PTPRT: variants seen among roughly 807,000 people sequenced by gnomAD.
The protein encoded by PTPRT is receptor-type tyrosine-protein phosphatase T.
A neutral mutation model predicts 176.8 loss-of-function variants in PTPRT; 56 were observed. The ratio of observed to expected loss-of-function variants is 0.32; its 90% confidence interval spans 0.26 to 0.40. The LOEUF (loss-of-function observed/expected upper bound fraction) is 0.40, where lower values mean the gene tolerates loss of function less well. PTPRT is among the 10% of genes least tolerant of loss of function. The pLI, the probability that PTPRT is intolerant of heterozygous loss-of-function variation, is 1.00. For synonymous variants in PTPRT, 783 were observed against 739.0 expected (o/e 1.06, Z -0.96); for missense variants, 1,540 against 1,908.2 (o/e 0.81, Z 3.60).
chr20:42,171,844 T>C (rs1448631577), intron 16 of PTPRT, among the ~76,000 whole-genome samples: 2 of 152,088 alleles, frequency 1.3e-5, no homozygotes, highest in Non-Finnish European at 2.9e-5. Flanking sequence ...AATCATCCTG[T>C]AGAGGTATTT....
At chr20:42,512,731 A>G (rs1470575089) in intron 7 of PTPRT, among the ~76,000 whole-genome samples, 1 of 152,170 alleles carries the variant, frequency 6.6e-6, no homozygotes, top group Non-Finnish European at 1.5e-5. Flanking sequence ...ACTGTTCTGC[A>G]TTTTATAAAA....
chr20:43,188,451 A>G (rs971329126), intron 1 of PTPRT, among the ~76,000 whole-genome samples: 2 of 152,192 alleles, frequency 1.3e-5, no homozygotes, highest in African/African-American at 4.8e-5. Context: ...AGCGGCCCTT[A>G]ACCTCAGACG....
At chr20:43,010,107 C>T (rs183073655) in intron 1 of PTPRT, among the ~76,000 whole-genome samples, 1 of 152,268 alleles carries the variant, frequency 6.6e-6, no homozygotes, top group Non-Finnish European at 1.5e-5. Context: ...TCAGAAATGT[C>T]CCCACCTCCT....
intron 7 of PTPRT, among the ~76,000 whole-genome samples, chr20:42,530,010 T>C (rs2145536406): frequency 6.6e-6 from 1 of 152,328 alleles, no homozygotes; most frequent in East Asian, 1.9e-4. Context: ...GCCGTTTCTT[T>C]ACCTGAAAGA....
chr20:42,961,765 C>CA (rs1267379610), intron 1 of PTPRT, among the ~76,000 whole-genome samples: 1 of 152,086 alleles, frequency 6.6e-6, no homozygotes, highest in Non-Finnish European at 1.5e-5. Flanking sequence ...CCTCACACAG[C>CA]AAAAGGGACT....
chr20:42,254,032 G>C (rs1347498907), intron 13 of PTPRT, among the ~76,000 whole-genome samples: 1 of 152,110 alleles, frequency 6.6e-6, no homozygotes, highest in African/African-American at 2.4e-5. Context: ...GGTTTATTAA[G>C]CTCTACTTCC....
chr20:42,158,701 C>T (rs1191126297), intron 17 of PTPRT, among the ~76,000 whole-genome samples: 1 of 152,100 alleles, frequency 6.6e-6, no homozygotes, highest in Non-Finnish European at 1.5e-5. Context: ...TGTGAAATGA[C>T]TTTTATCAGG....
At chr20:42,835,022 T>C (rs956656648) in intron 2 of PTPRT, among the ~76,000 whole-genome samples, 5 of 152,052 alleles carry the variant, frequency 3.3e-5, no homozygotes, top group Non-Finnish European at 5.9e-5. Flanking sequence ...CATGCTCTAA[T>C]AGAATGAGAA....
intron 6 of PTPRT, among the ~76,000 whole-genome samples, chr20:42,753,946 C>T (rs1400011988): frequency 6.6e-6 from 1 of 152,162 alleles, no homozygotes; most frequent in African/African-American, 2.4e-5. Context: ...AGCCACTGGT[C>T]ACATTCTTTT....
At chr20:42,495,258 A>G (rs2145393602) in intron 7 of PTPRT, among the ~76,000 whole-genome samples, 1 of 152,286 alleles carries the variant, frequency 6.6e-6, no homozygotes, top group East Asian at 1.9e-4. Flanking sequence ...TCTTTGTTCA[A>G]GTTGTCTTAG....
chr20:42,892,335 A>G (rs1221965190), intron 1 of PTPRT, among the ~76,000 whole-genome samples: 1 of 152,182 alleles, frequency 6.6e-6, no homozygotes, highest in Non-Finnish European at 1.5e-5. Context: ...CCAAGATGTG[A>G]GCCCTAGACT....
intron 2 of PTPRT, among the ~76,000 whole-genome samples, chr20:42,880,013 A>C (rs998202572): frequency 6.6e-6 from 1 of 152,152 alleles, no homozygotes; most frequent in African/African-American, 2.4e-5. Context: ...TTTGAAGGCT[A>C]AGATGGTGAG....
At chr20:42,574,466 G>A (rs916304501) in intron 7 of PTPRT, among the ~76,000 whole-genome samples, 7 of 152,166 alleles carry the variant, frequency 4.6e-5, no homozygotes, top group African/African-American at 1.7e-4. Flanking sequence ...CCCACCAAAG[G>A]TGACCTGCTT....
At chr20:42,149,227 G>A (rs148735067) in intron 17 of PTPRT, among the ~76,000 whole-genome samples, 27 of 152,224 alleles carry the variant, frequency 1.8e-4, no homozygotes, top group Admixed American at 4.6e-4. Flanking sequence ...CAGCAAGTGC[G>A]GAGGCCCTGG....
intron 1 of PTPRT, among the ~76,000 whole-genome samples, chr20:43,005,878 G>A (rs574036798): frequency 2.6e-5 from 4 of 152,186 alleles, no homozygotes; most frequent in South Asian, 2.1e-4. Context: ...AAAGATGCTC[G>A]TTACAACATT....
At chr20:42,223,077 T>A (rs1174094952) in intron 15 of PTPRT, among the ~76,000 whole-genome samples, 1 of 152,216 alleles carries the variant, frequency 6.6e-6, no homozygotes, top group African/African-American at 2.4e-5. Flanking sequence ...TGTTGATGAC[T>A]GTGGTAGTGT....
intron 1 of PTPRT, among the ~76,000 whole-genome samples, chr20:43,091,751 C>A (rs1034619485): frequency 1.3e-5 from 2 of 152,052 alleles, no homozygotes; most frequent in Non-Finnish European, 2.9e-5. Flanking sequence ...AGAAGAGCAG[C>A]CCCAAGATGA....
chr20:42,702,871 T>A (rs559285433), intron 6 of PTPRT, among the ~76,000 whole-genome samples: 3 of 152,314 alleles, frequency 2.0e-5, no homozygotes, highest in Admixed American at 2.0e-4. Context: ...AGAACATCTC[T>A]TAGTTTTGTT....
At chr20:43,170,119 T>C (rs193134637) in intron 1 of PTPRT, among the ~76,000 whole-genome samples, 50 of 152,110 alleles carry the variant, frequency 3.3e-4, no homozygotes, top group African/African-American at 1.1e-3. Context: ...AATGAGACCA[T>C]GGGCATTCCA....
Sources: allele counts gnomAD v4.1 joint callset (sites outside exome capture counted in the v4.1 genomes callset), GRCh38; gene constraint gnomAD v4.1.1; transcripts MANE v1.5; gene names NCBI Gene and HGNC (gene_info 2026-07-23, HGNC 2026-07-21).